Variants in CELA3B observed in about 807,000 individuals in gnomAD.
CELA3B encodes chymotrypsin like elastase 3B, also known as chymotrypsin-like elastase family member 3B.
A neutral mutation model predicts 37.2 loss-of-function variants in CELA3B; 34 were observed. The ratio of observed to expected loss-of-function variants is 0.91; its 90% CI spans 0.70 to 1.22. The LOEUF (loss-of-function observed/expected upper bound fraction) is 1.22, where lower values mean the gene tolerates loss of function less well. Among genes scored for constraint, CELA3B ranks in the 50% most tolerant of loss-of-function variants. The probability of loss-of-function intolerance (pLI) is 0.00; values close to 1 mark genes in which losing one functional copy is unlikely to be tolerated. For synonymous variants in CELA3B, 127 were observed against 143.5 expected (o/e 0.89, Z 0.82); for missense variants, 340 against 363.1 (o/e 0.94, Z 0.52).
At chr1:21,983,255 TG>T (rs1365307193) in intron 4 of CELA3B, among the ~76,000 whole-genome samples, 1 of 152,054 alleles carries the variant, frequency 6.6e-6, no homozygotes, top group Non-Finnish European at 1.5e-5. Flanking sequence ...CTCAGGAGGC[TG>T]AGGCAGGAGA....
At chr1:21,987,569 G>C (rs1216369651) in intron 7 of CELA3B, 1 of 151,866 alleles carries the variant, frequency 6.6e-6, no homozygotes, top group East Asian at 1.9e-4. Flanking sequence ...CTGGGCCATA[G>C]TGCGCTATAC....
At chr1:21,979,477 G>A (rs189512414) in intron 2 of CELA3B, among the ~76,000 whole-genome samples, 179 of 128,566 alleles carry the variant, frequency 1.4e-3, no homozygotes, top group African/African-American at 5.2e-3. Flanking sequence ...TTTTGAGACA[G>A]GGTCTTGCTG....
At chr1:21,988,302 A>G (rs532479259) in intron 7 of CELA3B, among the ~76,000 whole-genome samples, 1 of 151,246 alleles carries the variant, frequency 6.6e-6, no homozygotes, top group African/African-American at 2.4e-5. Context: ...AAAAAAATAT[A>G]TATATAAGGC....
rs1232285670 is a variant in CELA3B, at chr1:21,997,953, G to T, written c.505-198G>T. 9.9e-5 allele frequency among the ~76,000 whole-genome samples: 15 copies of T among 151,296 alleles called. 1 individual carries two copies. The highest frequency in any genetic ancestry group is 3.4e-4 in the African/African-American group (14 of 40,944). On this transcript the variant is annotated intron_variant, in intron 4 of 4. Transcript: ENST00000400277. ...TATAATGAAGATTGACTGTTGAGAGGGAAACAGTCTGCCCTGTCACCCTTT... is the reference window on the plus strand; with the variant it reads ...TATAATGAAGATTGACTGTTGAGAGTGAAACAGTCTGCCCTGTCACCCTTT...
At chr1:21,995,905 T>C (rs527366299) in intron 4 of CELA3B, among the ~76,000 whole-genome samples, 2 of 149,052 alleles carry the variant, frequency 1.3e-5, no homozygotes, top group African/African-American at 5.1e-5. Flanking sequence ...TGTGTCCCAG[T>C]TTCCACTTTA....
At chr1:21,982,421 C>A (rs925294305) in intron 4 of CELA3B, among the ~76,000 whole-genome samples, 1 of 105,556 alleles carries the variant, frequency 9.5e-6, no homozygotes, top group African/African-American at 3.5e-5. Context: ...ATGGTGAAAC[C>A]CCATCTCTAC....
At chr1:21,998,010 G>C (rs1478741519) in intron 4 of CELA3B, 20 of 396,960 alleles carry the variant, frequency 5.0e-5, no homozygotes, top group South Asian at 2.5e-4. Flanking sequence ...AAACAATGTA[G>C]TTAAGGAAAA....
Position 21,994,642 on chromosome 1 carries a change from C to G in CELA3B, c.505-3509C>G, listed in dbSNP as rs565070067. ...ACGGCAGAAATCCTAAGCCTGAGCT[C>G]GGGTGCATCTCTCTTCAGCTCCCCT... On this transcript the variant is annotated intron_variant, in intron 4 of 4. Coordinates refer to the CELA3B transcript ENST00000400277. Among the ~76,000 whole-genome samples, 62 of 151,110 alleles carry G rather than the reference C, an allele frequency of 4.1e-4. 2 individuals carry two copies. In the East Asian group the frequency reaches 8.0e-3, roughly 20 times the overall value.
intron 4 of CELA3B, among the ~76,000 whole-genome samples, chr1:21,995,775 T>A (rs1644887777): frequency 6.9e-6 from 1 of 145,858 alleles, no homozygotes; most frequent in Admixed American, 6.9e-5. Context: ...CTCACAATCC[T>A]GAGGCTGGAA....
chr1:21,996,280 G>C (rs1315749225), intron 4 of CELA3B, among the ~76,000 whole-genome samples: 1 of 146,972 alleles, frequency 6.8e-6, no homozygotes, highest in Non-Finnish European at 1.5e-5. Context: ...CACAGGATGA[G>C]ATAGGAGATC....
chr1:21,986,671 C>G lies in CELA3B; in HGVS notation c.783C>G (p.Asp261Glu), dbSNP rs375487399. ...TVFTRVSAFI[D>E]WIEETIASH is the part of the protein sequence containing the mutation. ...TCACTCGAGTCTCCGCCTTCATTGA[C>G]TGGATTGAGGAGGTGAGGAGGGCAG... The change falls in exon 7 of 8, where the codon GAC becomes GAG. Residue 261 changes from aspartate to glutamate, a missense_variant. Transcript: ENST00000337107. 36 of 1,613,318 alleles carry G rather than the reference C, an allele frequency of 2.2e-5. No individual in the cohort carries two copies. The highest frequency in any genetic ancestry group is 2.9e-5 in the Non-Finnish European group (34 of 1,179,900).
Position 21,996,011 on chromosome 1 carries a change from C to T in CELA3B, c.505-2140C>T, listed in dbSNP as rs368357204. On this transcript the variant is annotated intron_variant, in intron 4 of 4. Transcript: ENST00000400277. Reference sequence around the variant, plus strand: ...GGCAGATCACCTGAGGTCGGGAGTTCGAGACCAACCTGACCAACATGGCAA... The same window carrying T: ...GGCAGATCACCTGAGGTCGGGAGTTTGAGACCAACCTGACCAACATGGCAA... Among the ~76,000 whole-genome samples, 51 of 150,024 alleles carry T rather than the reference C, an allele frequency of 3.4e-4. 1 individual carries two copies. The East Asian group carries it at 7.3e-3, about 21-fold the overall frequency.
chr1:21,986,700 G>A lies in CELA3B; in HGVS notation c.795+17G>A, dbSNP rs768203437. 9.9e-6 allele frequency: 16 copies of A among 1,608,522 alleles called. No individual in the cohort carries two copies. Among genetic ancestry groups the A allele is most frequent in the East Asian group, 2.2e-5 (1 of 44,798 alleles). On this transcript the variant is annotated intron_variant, in intron 7 of 7. Coordinates refer to ENST00000337107, the MANE Select transcript of CELA3B (RefSeq NM_007352.4). ...ATTGAGGAGGTGAGGAGGGCAGGGCGGCCCGGAGGGCTTTAGGGTGGTGGC... is the reference window on the plus strand; with the variant it reads ...ATTGAGGAGGTGAGGAGGGCAGGGCAGCCCGGAGGGCTTTAGGGTGGTGGC...
chr1:21,995,471 G>A (rs1485724080), intron 4 of CELA3B, among the ~76,000 whole-genome samples: 1 of 151,034 alleles, frequency 6.6e-6, no homozygotes, highest in Non-Finnish European at 1.5e-5. Flanking sequence ...TACAGGGGCT[G>A]TGCAGAATGG....
At chr1:21,983,179 G>A (rs1254781549) in intron 4 of CELA3B, among the ~76,000 whole-genome samples, 2 of 151,990 alleles carry the variant, frequency 1.3e-5, no homozygotes, top group Non-Finnish European at 2.9e-5. Context: ...GCAAAACCCC[G>A]TCTCTACTAA....
chr1:21,987,594 A>G (rs539839256), intron 7 of CELA3B: 1 of 151,724 alleles, frequency 6.6e-6, no homozygotes, highest in African/African-American at 2.5e-5. Context: ...CTGGTTCTGC[A>G]CCAAGTTTGG....
chr1:21,994,037 C>T (rs796243320), downstream of CELA3B, among the ~76,000 whole-genome samples: 4,223 of 126,740 alleles, frequency 0.033, no homozygotes, highest in East Asian at 0.1. Flanking sequence ...ATCATGTTCT[C>T]CTGTGGAAAA....
downstream of CELA3B, among the ~76,000 whole-genome samples, chr1:21,991,688 T>C (rs1027782843): frequency 1.3e-5 from 2 of 151,268 alleles, no homozygotes; most frequent in African/African-American, 4.9e-5. Flanking sequence ...GGTTATAGCC[T>C]GCATGGTGGC....
At chr1:21,979,718 T>G (rs993655908) in intron 2 of CELA3B, among the ~76,000 whole-genome samples, 9 of 151,352 alleles carry the variant, frequency 5.9e-5, no homozygotes, top group Non-Finnish European at 7.4e-5. Flanking sequence ...CCTCCCACAG[T>G]GCTGGGATTA....
Sources: gnomAD v4.1 joint callset for allele counts (sites outside exome capture counted in the v4.1 genomes callset) on GRCh38, gnomAD v4.1.1 for gene constraint, MANE v1.5 for transcripts, NCBI Gene and HGNC (gene_info 2026-07-23, HGNC 2026-07-21) for gene names.